The following GABRR3 variants were observed in gnomAD, a reference collection of about 807,000 sequenced individuals.
The protein encoded by GABRR3 is gamma-aminobutyric acid receptor subunit rho-3.
A neutral mutation model predicts 43.2 loss-of-function variants in GABRR3; 29 were observed. The observed-to-expected ratio is 0.67, with a 90% CI of 0.50 to 0.92. The LOEUF is 0.92. Ranked by LOEUF, GABRR3 falls within the 40% of genes least tolerant of loss-of-function variation. GABRR3 has a pLI of 0.00. For missense variants in GABRR3, 576 were observed against 572.3 expected, an observed-to-expected ratio of 1.01 and a Z score of -0.07; for synonymous variants, 206 against 195.9, an observed-to-expected ratio of 1.05 and a Z score of -0.43.
At chr3:98,022,216 C>T (rs146896621) in intron 3 of GABRR3, among the ~76,000 whole-genome samples, 65 of 152,168 alleles carry the variant, frequency 4.3e-4, no homozygotes, top group African/African-American at 1.3e-3. Context: ...TTATGGGAGA[C>T]GTAAAAGGTG....
chr3:97,996,161 C>T (rs1431767395), intron 8 of GABRR3, among the ~76,000 whole-genome samples: 1 of 152,164 alleles, frequency 6.6e-6, no homozygotes, highest in Non-Finnish European at 1.5e-5. Flanking sequence ...CACTGAGTTT[C>T]TTCACCCCCT....
At chr3:98,026,533 T>C (rs1016680008) in intron 2 of GABRR3, among the ~76,000 whole-genome samples, 1 of 152,006 alleles carries the variant, frequency 6.6e-6, no homozygotes, top group African/African-American at 2.4e-5. Context: ...CATAGCTCCT[T>C]TGTGAGCAAC....
chr3:97,990,594 G>A (rs1268906895), intron 9 of GABRR3, among the ~76,000 whole-genome samples: 2 of 151,966 alleles, frequency 1.3e-5, no homozygotes, highest in Non-Finnish European at 2.9e-5. Flanking sequence ...AAATCCGCCT[G>A]CCTTGGCCTC....
At chr3:98,016,587 G>A (rs746761317) in intron 4 of GABRR3, among the ~76,000 whole-genome samples, 5 of 152,056 alleles carry the variant, frequency 3.3e-5, no homozygotes, top group Non-Finnish European at 7.4e-5. Context: ...AAGACAACAA[G>A]GAAACAGGTG....
At chr3:98,004,306 C>T (rs1409367377) in intron 7 of GABRR3, among the ~76,000 whole-genome samples, 1 of 152,084 alleles carries the variant, frequency 6.6e-6, no homozygotes. Flanking sequence ...TATATGACAT[C>T]ATGTATCCTC....
rs1285131551 is a variant in GABRR3 at position 98,031,610 on chromosome 3, G to A, written c.125+3253C>T. On this transcript the variant is annotated intron_variant, in intron 2 of 9. Transcript: ENST00000621172. ...AAAAATATAAAAGCCAGGTGTAGTG[G>A]CACACGCCTGTTGTCCCAGCTACTT... is the stretch of plus-strand genomic sequence containing the variant. Among the ~76,000 whole-genome samples the A allele has an allele frequency of 3.9e-5, 6 of 151,946 alleles. No individual in the cohort carries two copies. In the South Asian group the frequency reaches 1.0e-3, roughly 26 times the overall value.
chr3:98,012,823 G>A (rs535648481), intron 4 of GABRR3, among the ~76,000 whole-genome samples: 3 of 152,276 alleles, frequency 2.0e-5, no homozygotes, highest in Admixed American at 2.0e-4. Flanking sequence ...AGGGGAACCA[G>A]GTTATAAATG....
At chr3:98,018,004 C>CTTTTTTTTTTTTTTTT (rs10710938) in intron 3 of GABRR3, among the ~76,000 whole-genome samples, 1 of 137,014 alleles carries the variant, frequency 7.3e-6, no homozygotes. Context: ...CTCCAGTTTT[C>CTTTTTTTTTTTTTTTT]TTTTTTTTTT....
chr3:98,027,863 A>G (rs1437314570), intron 2 of GABRR3, among the ~76,000 whole-genome samples: 1 of 152,172 alleles, frequency 6.6e-6, no homozygotes, highest in African/African-American at 2.4e-5. Flanking sequence ...AAGTGTATCC[A>G]GTGAATCTAA....
At chr3:98,011,597 C>T (rs920195147) in intron 5 of GABRR3, among the ~76,000 whole-genome samples, 9 of 147,066 alleles carry the variant, frequency 6.1e-5, no homozygotes, top group Non-Finnish European at 9.1e-5. Context: ...AACTTAATCA[C>T]GTCTGCAAGG....
At chr3:98,001,426 C>A in intron 8 of GABRR3, 189 bp downstream of exon 8, 1 of 590,102 alleles carries the variant, frequency 1.7e-6, no homozygotes, top group Non-Finnish European at 3.0e-6. Context: ...AATCCGGGTT[C>A]CCAAGGAAAG....
At chr3:98,028,755 C>T (rs1321269421) in intron 2 of GABRR3, among the ~76,000 whole-genome samples, 1 of 152,112 alleles carries the variant, frequency 6.6e-6, no homozygotes, top group Non-Finnish European at 1.5e-5. Flanking sequence ...CTATTCATGT[C>T]TACATGCCCC....
chr3:97,993,706 C>T (rs1706501565), intron 8 of GABRR3, among the ~76,000 whole-genome samples: 3 of 152,182 alleles, frequency 2.0e-5, no homozygotes. Flanking sequence ...TTCACATTTT[C>T]CCCTTCCACT....
intron 9 of GABRR3, 26 bp downstream of exon 9, chr3:97,992,826 A>T: frequency 1.9e-6 from 3 of 1,568,168 alleles, no homozygotes; most frequent in Non-Finnish European, 2.6e-6. Flanking sequence ...TCCCCAAGGG[A>T]TCTGATAGTC....
At chr3:98,002,679 A>G (rs1263325467) in intron 7 of GABRR3, among the ~76,000 whole-genome samples, 1 of 152,178 alleles carries the variant, frequency 6.6e-6, no homozygotes, top group Non-Finnish European at 1.5e-5. Context: ...AAGGCAATAC[A>G]TGAGGAAACA....
At chr3:98,017,631 G>C (rs754943982) in intron 4 of GABRR3, 24 bp downstream of exon 4, 23 of 1,573,494 alleles carry the variant, frequency 1.5e-5, no homozygotes, top group Non-Finnish European at 2.0e-5. Context: ...CAGAAAAAGA[G>C]CAATATCCCA....
intron 3 of GABRR3, among the ~76,000 whole-genome samples, chr3:98,023,442 A>C (rs902255093): frequency 1.3e-5 from 2 of 152,124 alleles, no homozygotes; most frequent in East Asian, 3.9e-4. Context: ...AAACCCAGGG[A>C]CAGGCAAATG....
intron 2 of GABRR3, among the ~76,000 whole-genome samples, chr3:98,032,585 A>AT (rs1385376414): frequency 6.6e-6 from 1 of 152,202 alleles, no homozygotes; most frequent in Admixed American, 6.5e-5. Flanking sequence ...TCCACCTGCC[A>AT]TAACTTACTT....
At chr3:98,011,258 G>T (rs1302232076) in intron 5 of GABRR3, among the ~76,000 whole-genome samples, 1 of 152,200 alleles carries the variant, frequency 6.6e-6, no homozygotes, top group Non-Finnish European at 1.5e-5. Flanking sequence ...GTTTCCTACT[G>T]CTGCTGTAAC....
Sources: allele counts gnomAD v4.1 joint callset (sites outside exome capture counted in the v4.1 genomes callset), GRCh38; gene constraint gnomAD v4.1.1; transcripts MANE v1.5; gene names NCBI Gene and HGNC (gene_info 2026-07-23, HGNC 2026-07-21).